The following GPHN variants were observed in gnomAD, a reference collection of about 807,000 sequenced individuals.
GPHN encodes gephyrin.
A neutral mutation model predicts 95.5 loss-of-function variants in GPHN; 17 were observed. That is an observed-to-expected ratio of 0.18 (90% CI 0.12 to 0.27). GPHN has a LOEUF of 0.27. Ranked by LOEUF, GPHN falls within the 10% of genes least tolerant of loss-of-function variation. GPHN has a pLI of 1.00. For missense variants in GPHN, 660 were observed against 978.1 expected (o/e 0.67, Z 4.34); for synonymous variants, 320 against 322.5 (o/e 0.99, Z 0.08).
intron 1 of GPHN, among the ~76,000 whole-genome samples, chr14:66,648,429 A>G (rs1195788402): frequency 1.3e-5 from 2 of 152,168 alleles, no homozygotes; most frequent in Admixed American, 6.5e-5. Flanking sequence ...ACAGTCAGGC[A>G]CTGCATATTT....
At chr14:67,615,871 AG>A in the GPHN span, 1 of 614,942 alleles carries the variant, frequency 1.6e-6, no homozygotes, top group South Asian at 1.6e-5. Context: ...AGAAACTGGG[AG>A]GGATGTGGAA....
chr14:67,525,026 G>A, the GPHN span, among the ~76,000 whole-genome samples: 15 of 152,036 alleles, frequency 9.9e-5, no homozygotes, highest in Non-Finnish European at 7.4e-5. Flanking sequence ...TCTGAATCTC[G>A]GCTTTCTACT....
intron 12 of GPHN, among the ~76,000 whole-genome samples, chr14:67,097,035 G>C (rs957157790): frequency 4.6e-5 from 7 of 152,126 alleles, no homozygotes; most frequent in Admixed American, 2.6e-4. Context: ...GAACGTTTTT[G>C]TAGCCACATT....
At chr14:67,030,221 C>T (rs779012158) in intron 10 of GPHN, among the ~76,000 whole-genome samples, 10 of 152,048 alleles carry the variant, frequency 6.6e-5, no homozygotes, top group Non-Finnish European at 1.0e-4. Context: ...TCATACTCAA[C>T]GTGACTAAAA....
the GPHN span, among the ~76,000 whole-genome samples, chr14:67,499,875 G>A: frequency 1.3e-5 from 2 of 152,204 alleles, no homozygotes; most frequent in East Asian, 3.9e-4. Context: ...TTCAATTGAC[G>A]GGATAGCTTA....
chr14:66,805,195 T>C (rs1188968022), intron 3 of GPHN, among the ~76,000 whole-genome samples: 2 of 152,108 alleles, frequency 1.3e-5, no homozygotes, highest in Non-Finnish European at 2.9e-5. Flanking sequence ...AGAGGGAGCT[T>C]ATGCAGGGAA....
At chr14:67,333,075 A>G in the GPHN span, 14 of 861,494 alleles carry the variant, frequency 1.6e-5, no homozygotes, top group Non-Finnish European at 2.1e-5. Context: ...TAAGCTGTAG[A>G]TCTGTTCTTA....
intron 13 of GPHN, 56 bp downstream of exon 13, chr14:67,100,967 A>G: frequency 2.0e-6 from 2 of 1,010,564 alleles, no homozygotes; most frequent in Non-Finnish European, 1.6e-6. Context: ...GACTTTGGGC[A>G]TCTAATTCTA....
At chr14:67,347,053 C>G in the GPHN span, among the ~76,000 whole-genome samples, 1 of 152,064 alleles carries the variant, frequency 6.6e-6, no homozygotes, top group Non-Finnish European at 1.5e-5. Context: ...GTGGCGTGAT[C>G]AGAACTCGCT....
At chr14:67,586,542 T>G in the GPHN span, 130,733 of 653,900 alleles carry the variant, frequency 0.2, 13,580 homozygotes, top group South Asian at 0.24. Context: ...TTCCTTGTTG[T>G]GGGGAAGACC....
At chr14:66,787,859 T>C (rs1002967069) in intron 3 of GPHN, among the ~76,000 whole-genome samples, 4 of 147,572 alleles carry the variant, frequency 2.7e-5, no homozygotes, top group African/African-American at 1.0e-4. Flanking sequence ...TAAAAAGTAT[T>C]ATATATATAT....
intron 8 of GPHN, among the ~76,000 whole-genome samples, chr14:66,956,121 T>G (rs948358117): frequency 4.6e-5 from 7 of 152,186 alleles, no homozygotes; most frequent in Admixed American, 4.6e-4. Flanking sequence ...TTCTTTTGTT[T>G]GCTTTGGGTT....
At chr14:67,011,180 C>T (rs1217572254) in intron 9 of GPHN, among the ~76,000 whole-genome samples, 3 of 152,042 alleles carry the variant, frequency 2.0e-5, no homozygotes, top group Non-Finnish European at 4.4e-5. Context: ...TAATGTTTTA[C>T]TATGATTTAT....
At chr14:67,047,182 TTTTCTACTGCTTGTTTTGAAAAATGAAG>T (rs2075060556) in intron 10 of GPHN, among the ~76,000 whole-genome samples, 1 of 152,050 alleles carries the variant, frequency 6.6e-6, no homozygotes, top group African/African-American at 2.4e-5. Flanking sequence ...TTTAGGGAGC[TTTTCTACTGCTTGTTTTGAAAAATGAAG>T]TTTCTTGAGG....
At chr14:66,801,593 C>T (rs1178371704) in intron 3 of GPHN, among the ~76,000 whole-genome samples, 1 of 143,496 alleles carries the variant, frequency 7.0e-6, no homozygotes, top group Non-Finnish European at 1.5e-5. Context: ...CTCTCTCTCT[C>T]TCCCTCTCTC....
At chr14:66,513,435 C>T (rs1017014769) in intron 1 of GPHN, among the ~76,000 whole-genome samples, 4 of 151,610 alleles carry the variant, frequency 2.6e-5, no homozygotes, top group Non-Finnish European at 5.9e-5. Context: ...TTTAATCTTG[C>T]TAGTGATAGA....
intron 1 of GPHN, among the ~76,000 whole-genome samples, chr14:66,625,497 A>C (rs780132530): frequency 6.6e-6 from 1 of 151,168 alleles, no homozygotes; most frequent in Non-Finnish European, 1.5e-5. Context: ...TTCCCCCCCA[A>C]TTTTCTTAAC....
chr14:66,776,803 T>C (rs1301592042), intron 3 of GPHN, among the ~76,000 whole-genome samples: 1 of 152,178 alleles, frequency 6.6e-6, no homozygotes, highest in African/African-American at 2.4e-5. Flanking sequence ...TGTATAAGCA[T>C]TGGTGTGCAT....
chr14:67,724,645 A>T, the GPHN span: 38,600 of 1,310,862 alleles, frequency 0.029, 747 homozygotes, highest in Middle Eastern at 0.036. Flanking sequence ...CCTTCTTCCC[A>T]CTGGGGCCTC....
Sources: allele counts gnomAD v4.1 joint callset (sites outside exome capture counted in the v4.1 genomes callset), GRCh38; gene constraint gnomAD v4.1.1; transcripts MANE v1.5; gene names NCBI Gene and HGNC (gene_info 2026-07-23, HGNC 2026-07-21).